Variants in PTPRD observed in about 807,000 individuals in gnomAD.
PTPRD encodes protein tyrosine phosphatase receptor type D.
Under a neutral mutation model 214.5 loss-of-function variants are expected in PTPRD, and 34 were observed. The observed-to-expected ratio is 0.16, with a 90% CI of 0.12 to 0.21. The LOEUF is 0.21. Among genes scored for constraint, PTPRD ranks in the 10% least tolerant of loss-of-function variants. The probability of loss-of-function intolerance (pLI) is 1.00; values close to 1 mark genes in which losing one functional copy is unlikely to be tolerated. For synonymous variants in PTPRD, 1,128 were observed against 845.7 expected (o/e 1.33, Z -5.79); for missense variants, 2,545 against 2,398.7 (o/e 1.06, Z -1.27).
rs2092714144 is a variant in PTPRD, at chr9:9,947,325, T to TATG, written c.-471-8716_-471-8715insCAT. ...ATATTTTATATATATATTATATATA[T>TATG]TATATATGTATTATATATATAATAT... On this transcript the variant is annotated intron_variant, in intron 4 of 45. Coordinates refer to ENST00000381196, the MANE Select transcript of PTPRD (RefSeq NM_002839.4). 4.4e-4 allele frequency among the ~76,000 whole-genome samples: 36 copies of TATG among 82,192 alleles called. 1 individual carries two copies. The highest frequency in any genetic ancestry group is 1.8e-3 in the African/African-American group (34 of 19,408). 53.9% of individuals were successfully genotyped at this position (82,192 alleles called of 152,430 possible). A position where few individuals can be genotyped will look rare whatever the true frequency, so the allele number is the denominator to read the frequency against.
chr9:9,913,937 C>A (rs1252950736), intron 5 of PTPRD, among the ~76,000 whole-genome samples: 1 of 152,138 alleles, frequency 6.6e-6, no homozygotes, highest in Non-Finnish European at 1.5e-5. Flanking sequence ...CACAGGGCAC[C>A]ATCTTCATTA....
intron 8 of PTPRD, among the ~76,000 whole-genome samples, chr9:9,561,132 T>C (rs2082839299): frequency 1.3e-5 from 2 of 152,164 alleles, no homozygotes; most frequent in South Asian, 4.1e-4. Context: ...ATGGCCTTCC[T>C]ATGTTATGGC....
At chr9:9,382,273 T>A (rs2062548516) in intron 9 of PTPRD, among the ~76,000 whole-genome samples, 1 of 152,110 alleles carries the variant, frequency 6.6e-6, no homozygotes, top group Non-Finnish European at 1.5e-5. Flanking sequence ...TTCTGATAGT[T>A]TTAGGGGAAA....
chr9:9,633,520 T>C, intron 7 of PTPRD, among the ~76,000 whole-genome samples: 1 of 120,870 alleles, frequency 8.3e-6, no homozygotes, highest in East Asian at 2.0e-4. Context: ...AGGTTAAAAG[T>C]GATTATAAGC....
intron 8 of PTPRD, among the ~76,000 whole-genome samples, chr9:9,469,425 T>C (rs1196589022): frequency 1.3e-5 from 2 of 152,162 alleles, no homozygotes; most frequent in East Asian, 3.9e-4. Context: ...GGGTCTCACA[T>C]GACCGATGTA....
intron 5 of PTPRD, among the ~76,000 whole-genome samples, chr9:9,813,161 G>C (rs1254884607): frequency 1.3e-5 from 2 of 151,956 alleles, no homozygotes; most frequent in East Asian, 1.9e-4. Flanking sequence ...TCCTAAGAGG[G>C]AAGTTCATAG....
intron 12 of PTPRD, among the ~76,000 whole-genome samples, chr9:8,660,262 A>G (rs533717161): frequency 8.6e-5 from 13 of 151,562 alleles, no homozygotes; most frequent in African/African-American, 3.2e-4. Context: ...AATAATAGCC[A>G]TACACGTAAC....
At position 9,986,088 on chromosome 9, in the gene PTPRD, A is replaced by G. The variant is rs930665943; in HGVS notation, c.-471-47478T>C. ...TTCACTAATTAAAACTGTATTCATTAAGCAAAATTTACAAAGAATGATTAT... is the reference window on the plus strand; with the variant it reads ...TTCACTAATTAAAACTGTATTCATTGAGCAAAATTTACAAAGAATGATTAT... On this transcript the variant is annotated intron_variant, in intron 4 of 45. Coordinates refer to ENST00000381196, the MANE Select transcript of PTPRD (RefSeq NM_002839.4). Among the ~76,000 whole-genome samples, 4 of 152,160 alleles carry G rather than the reference A, an allele frequency of 2.6e-5. 1 individual carries two copies. Among genetic ancestry groups the G allele is most frequent in the Non-Finnish European group, 4.4e-5 (3 of 67,988 alleles).
chr9:8,647,199 C>A (rs1262707036), intron 12 of PTPRD, among the ~76,000 whole-genome samples: 1 of 152,124 alleles, frequency 6.6e-6, no homozygotes, highest in Admixed American at 6.5e-5. Flanking sequence ...TATCATTCCA[C>A]CTCATTGTCA....
At chr9:9,589,682 G>A (rs598768) in intron 7 of PTPRD, among the ~76,000 whole-genome samples, 39,606 of 151,790 alleles carry the variant, frequency 0.26, 6,087 homozygotes, top group Non-Finnish European at 0.35. Context: ...AAATGCCATG[G>A]ATTATAAGAC....
Position 8,835,171 on chromosome 9 carries a change from C to T in PTPRD, c.-103-101225G>A, listed in dbSNP as rs562510236. Among the ~76,000 whole-genome samples, 71 of 152,338 alleles carry T rather than the reference C, an allele frequency of 4.7e-4. No individual in the cohort carries two copies. The South Asian group carries it at 0.015, about 32-fold the overall frequency. On this transcript the variant is annotated intron_variant, in intron 11 of 45. Transcript: ENST00000381196. The stretch of plus-strand genomic sequence containing the variant: ...GGACGAAGAAACGAAATGACCCCAG[C>T]TCCTGGCATAGCTAGACATCACCTG...
chr9:9,324,727 T>G (rs932599256), intron 9 of PTPRD, among the ~76,000 whole-genome samples: 5 of 152,118 alleles, frequency 3.3e-5, no homozygotes, highest in African/African-American at 1.2e-4. Context: ...TGGCTTTTGT[T>G]GCCATTGCTT....
intron 12 of PTPRD, among the ~76,000 whole-genome samples, chr9:8,651,985 G>A (rs1048966282): frequency 6.6e-6 from 1 of 152,124 alleles, no homozygotes; most frequent in African/African-American, 2.4e-5. Context: ...TTTCAGTGCC[G>A]ATTATGCACG....
intron 2 of PTPRD, among the ~76,000 whole-genome samples, chr9:10,472,513 G>C (rs1479818960): frequency 6.6e-6 from 1 of 151,756 alleles, no homozygotes; most frequent in Non-Finnish European, 1.5e-5. Flanking sequence ...GCGGAAACAA[G>C]TGGCAATATC....
intron 5 of PTPRD, among the ~76,000 whole-genome samples, chr9:9,844,180 C>A (rs2058956722): frequency 1.3e-5 from 2 of 151,822 alleles, no homozygotes. Flanking sequence ...CTTTCACTTT[C>A]TTGAATTAAA....
chr9:9,405,499 C>T (rs571982349), intron 8 of PTPRD, among the ~76,000 whole-genome samples: 31 of 152,082 alleles, frequency 2.0e-4, no homozygotes, highest in African/African-American at 6.7e-4. Context: ...ACTAGAAACA[C>T]ACTTCATGGG....
chr9:8,918,863 T>C (rs1475902969), intron 11 of PTPRD, among the ~76,000 whole-genome samples: 1 of 152,204 alleles, frequency 6.6e-6, no homozygotes, highest in Non-Finnish European at 1.5e-5. Flanking sequence ...GGCTAATTTC[T>C]ATCTAGTACA....
intron 10 of PTPRD, among the ~76,000 whole-genome samples, chr9:9,079,931 A>T (rs1376618415): frequency 1.3e-5 from 2 of 152,036 alleles, no homozygotes; most frequent in Non-Finnish European, 2.9e-5. Flanking sequence ...GTTTCTACTG[A>T]TGTTTAATAT....
intron 10 of PTPRD, among the ~76,000 whole-genome samples, chr9:9,053,875 A>C (rs1321189616): frequency 6.6e-6 from 1 of 152,176 alleles, no homozygotes; most frequent in Non-Finnish European, 1.5e-5. Context: ...ATTGAAGCCA[A>C]AATCTAAATG....
Sources: gnomAD v4.1 joint callset for allele counts (sites outside exome capture counted in the v4.1 genomes callset) on GRCh38, gnomAD v4.1.1 for gene constraint, MANE v1.5 for transcripts, NCBI Gene and HGNC (gene_info 2026-07-23, HGNC 2026-07-21) for gene names.